Variants in PLEKHG4 observed in about 807,000 individuals in gnomAD.
PLEKHG4 encodes the protein puratrophin-1.
A neutral mutation model predicts 136.9 loss-of-function variants in PLEKHG4; 85 were observed. That is an observed-to-expected ratio of 0.62 (90% CI 0.52 to 0.74). The LOEUF is 0.74. PLEKHG4 is among the 30% of genes least tolerant of loss of function. The pLI is 0.00. For missense variants in PLEKHG4, 1,317 were observed against 1,527.8 expected (o/e 0.86, Z 2.30); for synonymous variants, 577 against 646.9 (o/e 0.89, Z 1.64).
Position 67,281,554 on chromosome 16 carries a change from AG to A in PLEKHG4, c.814-11del, listed in dbSNP as rs1433089166. The A allele has an allele frequency of 6.2e-7, 1 of 1,610,906 alleles. No homozygotes were observed. Among genetic ancestry groups the A allele is most frequent in the South Asian group, 1.1e-5 (1 of 90,930 alleles). ...TAGAGTTGGGGATAGTGCTGAGCTC[AG>A]GTTCCTTGCAGGAAGCAGCCCCAGG... On this transcript the variant is annotated splice_polypyrimidine_tract_variant and intron_variant, in intron 5 of 21. Coordinates refer to ENST00000379344, the MANE Select transcript of PLEKHG4 (RefSeq NM_001129729.3).
chr16:67,285,687 A>T (rs1021250681), intron 14 of PLEKHG4, 151 bp downstream of exon 14: 6 of 848,192 alleles, frequency 7.1e-6, no homozygotes, highest in Non-Finnish European at 9.7e-6. Context: ...TTAGTCCAGT[A>T]GAGGAGACAT....
Position 67,280,960 on chromosome 16 carries a change from G to A in PLEKHG4, c.674G>A (p.Ser225Asn), listed in dbSNP as rs190827633. The change falls in exon 4 of 22, where the codon AGC becomes AAC. Residue 225 changes from serine (S) to asparagine (N), a missense_variant. Physicochemically the swap from Ser to Asn is conservative, Grantham distance 46. Coordinates refer to ENST00000379344, the MANE Select transcript of PLEKHG4 (RefSeq NM_001129729.3). The surrounding 1 kb of genome is among the most constrained non-coding windows in gnomAD (Gnocchi z 4.4). ...SPAWLQSECS[S>N]QELIRLLLYL... ...GCCTGGCTTCAGTCTGAGTGCAGCA[G>A]CCAGGAACTCATCCGCCTCCTGCTG... 1.9e-5 allele frequency: 31 copies of A among 1,613,632 alleles called. No individual in the cohort carries two copies. In the East Asian group the frequency reaches 6.0e-4, roughly 31 times the overall value.
chr16:67,286,262 A>T lies in PLEKHG4; in HGVS notation c.2443-12A>T, dbSNP rs760953204. On this transcript the variant is annotated splice_polypyrimidine_tract_variant and intron_variant, in intron 14 of 21. Transcript: ENST00000379344. ...CCCCTTTGCACTGGGGCTGAGCCAC[A>T]TGTCCTTGTAGAGGGTGCAGTTTGG... 4.4e-6 allele frequency: 7 copies of T among 1,603,422 alleles called. No individual in the cohort carries two copies. Among genetic ancestry groups the T allele is most frequent in the Non-Finnish European group, 6.0e-6 (7 of 1,170,448 alleles).
At position 67,289,394 on chromosome 16, in the gene PLEKHG4, C is replaced by T. The variant is rs2142495626; in HGVS notation, c.*586C>T. On this transcript the variant is annotated 3_prime_UTR_variant, in exon 22 of 22. Coordinates refer to ENST00000379344, the MANE Select transcript of PLEKHG4 (RefSeq NM_001129729.3). ...TAAAATTATCTTACTGGTTGTTAGGCCTTTGGTGTCTCAGAGAAGGAGTCT... is the reference window on the plus strand; with the variant it reads ...TAAAATTATCTTACTGGTTGTTAGGTCTTTGGTGTCTCAGAGAAGGAGTCT... The T allele has an allele frequency of 2.0e-6, 1 of 510,730 alleles. No individual in the cohort carries two copies. The highest frequency in any genetic ancestry group is 3.1e-5 in the East Asian group (1 of 32,376). The allele number at this position is 510,730 out of a possible 1,614,324, so 31.6% of individuals were successfully genotyped here. A position where few individuals can be genotyped will look rare whatever the true frequency, so the allele number is the denominator to read the frequency against.
At position 67,289,271 on chromosome 16, in the gene PLEKHG4, T is replaced by G. The variant is rs2036633417; in HGVS notation, c.*463T>G. The stretch of plus-strand genomic sequence containing the variant: ...CAGGTCCACCTCTACTGGGCCCTCA[T>G]GCTTGCCTTTCCTGGCCCCCAGGCC... On this transcript the variant is annotated 3_prime_UTR_variant, in exon 22 of 22. Transcript: ENST00000379344. 1 of 413,212 alleles carries G rather than the reference T, an allele frequency of 2.4e-6. No individual in the cohort carries two copies. The highest frequency in any genetic ancestry group is 3.2e-5 in the South Asian group (1 of 31,130). 25.6% of individuals were successfully genotyped at this position (413,212 alleles called of 1,614,324 possible).
Position 67,284,445 on chromosome 16 carries a change from G to C in PLEKHG4, c.1680G>C (p.Gln560His), listed in dbSNP as rs61744543. The change falls in exon 12 of 22, where the codon CAG (glutamine) becomes CAC (histidine). Residue 560 changes from glutamine to histidine, a missense_variant. Transcript: ENST00000379344. The surrounding 1 kb of genome is among the most constrained non-coding windows in gnomAD (Gnocchi z 4.4). The stretch of plus-strand genomic sequence containing the variant: ...TGGCGGATGCTGAGAGGCTGTTTCA[G>C]CTCTTCAGGGAGGTGGGTGAGAGTC... ...QRLADAERLF[Q>H]LFREALTWAE... The C allele has an allele frequency of 7.7e-5, 124 of 1,613,910 alleles. No individual in the cohort carries two copies. The highest frequency in any genetic ancestry group is 1.7e-4 in the Middle Eastern group (1 of 5,996).
At position 67,287,099 on chromosome 16, in the gene PLEKHG4, G is replaced by A. The variant is rs777469944; in HGVS notation, c.3025G>A (p.Ala1009Thr). 2.5e-6 allele frequency: 4 copies of A among 1,612,694 alleles called. No homozygotes were observed. In the Admixed American group the frequency reaches 5.0e-5, roughly 20 times the overall value. ...GGCCAGGGACACCTTTGTGCTGCAG[G>A]CCTCCAGCCTGGCTATCAAGCAGGC... is the stretch of plus-strand genomic sequence containing the variant. ...RKARDTFVLQASSLAIKQAWT... is the reference protein window; with the variant it reads ...RKARDTFVLQTSSLAIKQAWT... Residue 1009 changes from alanine to threonine, a missense_variant, in exon 18 of 22, where the codon GCC becomes ACC. Coordinates refer to ENST00000379344, the MANE Select transcript of PLEKHG4 (RefSeq NM_001129729.3).
At position 67,285,223 on chromosome 16, in the gene PLEKHG4, C is replaced by T. The variant is rs777793785; in HGVS notation, c.2195+8C>T. ...CCCCAGGAGCCTCAACAGGTATGGG[C>T]AGTAGGCAGGGCGGGGAGGGCAGTA... On this transcript the variant is annotated splice_region_variant and intron_variant, in intron 13 of 21. Coordinates refer to ENST00000379344, the MANE Select transcript of PLEKHG4 (RefSeq NM_001129729.3). 2 of 1,613,710 alleles carry T rather than the reference C, an allele frequency of 1.2e-6. No individual in the cohort carries two copies. Among genetic ancestry groups the T allele is most frequent in the East Asian group, 4.5e-5 (2 of 44,884 alleles).
Position 67,281,091 on chromosome 16 carries a change from G to A in PLEKHG4, c.720G>A (p.Arg240=). Residue 240 remains arginine, a splice_region_variant and synonymous_variant, in exon 5 of 22, where the codon AGG becomes AGA. Coordinates refer to ENST00000379344, the MANE Select transcript of PLEKHG4 (RefSeq NM_001129729.3). Reference sequence around the variant, plus strand: ...ACTGAACTGAAGCTCACCCCTTTAGGCCCGAAGTACAGGCACTGGGACTGA... The same window carrying A: ...ACTGAACTGAAGCTCACCCCTTTAGACCCGAAGTACAGGCACTGGGACTGA... ...RLLLYLRSIP[R]PEVQALGLTV... 1 of 1,614,082 alleles carries A rather than the reference G, an allele frequency of 6.2e-7. No homozygotes were observed. The highest frequency in any genetic ancestry group is 8.5e-7 in the Non-Finnish European group (1 of 1,179,984).
At position 67,284,641 on chromosome 16, in the gene PLEKHG4, G is replaced by A. The variant is rs2036379784; in HGVS notation, c.1693-72G>A. ...CAGCATCCTGTGGGGATGGGGAGTG[G>A]GTAGAGGAGCAGAGTGCCCAGCAGG... On this transcript the variant is annotated intron_variant, in intron 12 of 21. Coordinates refer to ENST00000379344, the MANE Select transcript of PLEKHG4 (RefSeq NM_001129729.3). This position sits in a 1 kb window ranked among gnomAD's most constrained non-coding sequence, Gnocchi z 4.4. The A allele has an allele frequency of 6.4e-7, 1 of 1,571,802 alleles. No individual in the cohort carries two copies. Among genetic ancestry groups the A allele is most frequent in the African/African-American group, 1.3e-5 (1 of 74,078 alleles).
At position 67,288,599 on chromosome 16, in the gene PLEKHG4, C is replaced by T; in HGVS notation, c.3565C>T (p.Pro1189Ser). ...QALGRGLEDL[P>S]CV Reference sequence around the variant, plus strand: ...CCTGGGTAGGGGCCTGGAGGACTTACCCTGTGTGAGTGCCATTTGCCCTAT... The same window carrying T: ...CCTGGGTAGGGGCCTGGAGGACTTATCCTGTGTGAGTGCCATTTGCCCTAT... Residue 1189 changes from proline to serine, a missense_variant, in exon 21 of 22, where the codon CCC (proline) becomes TCC (serine). Coordinates refer to ENST00000379344, the MANE Select transcript of PLEKHG4 (RefSeq NM_001129729.3). The T allele has an allele frequency of 1.2e-6, 2 of 1,614,142 alleles. No individual in the cohort carries two copies. Among genetic ancestry groups the T allele is most frequent in the Non-Finnish European group, 8.5e-7 (1 of 1,179,982 alleles).
At position 67,285,511 on chromosome 16, in the gene PLEKHG4, G is replaced by C. The variant is rs373296947; in HGVS notation, c.2417G>C (p.Arg806Pro). 1.2e-6 allele frequency: 2 copies of C among 1,610,982 alleles called. No individual in the cohort carries two copies. ...GAGGCTTGCACCCGGCACCCACCAC[G>C]AGTGGCCTATGCCTTCCTGCGCCAT... ...ELEACTRHPP[R>P]VAYAFLRHRV... is the part of the protein sequence containing the mutation. Residue 806 changes from arginine to proline, a missense_variant, in exon 14 of 22, where the codon CGA becomes CCA. By Grantham distance (103) the Arg-to-Pro change is moderately radical. Coordinates refer to ENST00000379344, the MANE Select transcript of PLEKHG4 (RefSeq NM_001129729.3).
rs1393834052 is a variant in PLEKHG4, at chr16:67,288,395, CTT to C, written c.3451_3452del (p.Leu1151AspfsTer3). On this transcript the variant is annotated frameshift_variant, in exon 20 of 22. Coordinates refer to ENST00000379344, the MANE Select transcript of PLEKHG4 (RefSeq NM_001129729.3). LOFTEE classifies it high-confidence loss of function. Reference sequence around the variant, plus strand: ...GAGGCAGAGCTGGGCGGCCAGCCCTCTTTGAGTATGTCTGGGCCTAGCCAGAG... The same window carrying C: ...GAGGCAGAGCTGGGCGGCCAGCCCTCTGAGTATGTCTGGGCCTAGCCAGAG... The C allele has an allele frequency of 6.2e-7, 1 of 1,612,256 alleles. No individual in the cohort carries two copies. The highest frequency in any genetic ancestry group is 2.2e-5 in the East Asian group (1 of 44,878).
At chr16:67,287,214 C>G (rs757943815) in intron 18 of PLEKHG4, 37 bp downstream of exon 18, 5 of 1,591,386 alleles carry the variant, frequency 3.1e-6, no homozygotes, top group Non-Finnish European at 4.3e-6. Context: ...ACACTCCCCT[C>G]ACTGGAGAGC....
At position 67,284,696 on chromosome 16, in the gene PLEKHG4, C is replaced by T. The variant is rs200589768; in HGVS notation, c.1693-17C>T. ...GCAGGATCTTCCTCTAATGCTTGTC[C>T]GGCCCTGGTGTTGCAGGCCTTGACG... On this transcript the variant is annotated splice_polypyrimidine_tract_variant and intron_variant, in intron 12 of 21. Coordinates refer to ENST00000379344, the MANE Select transcript of PLEKHG4 (RefSeq NM_001129729.3). This position sits in a 1 kb window ranked among gnomAD's most constrained non-coding sequence, Gnocchi z 4.4. 3.9e-4 allele frequency: 624 copies of T among 1,612,544 alleles called. 6 individuals carry two copies. The highest frequency in any genetic ancestry group is 1.3e-4 in the Non-Finnish European group (148 of 1,179,650).
chr16:67,282,884 A>G, intron 11 of PLEKHG4, 26 bp downstream of exon 11: 1 of 1,514,804 alleles, frequency 6.6e-7, no homozygotes, highest in South Asian at 1.1e-5. Flanking sequence ...TGTTCATGCC[A>G]CGGGTATTGG....
chr16:67,282,435 G>GC (rs1198669862), intron 9 of PLEKHG4, 68 bp from the exon 10 acceptor site: 1 of 1,613,016 alleles, frequency 6.2e-7, no homozygotes, highest in East Asian at 2.2e-5. Context: ...AACCTGGTAG[G>GC]ACTGTGGTGC....
chr16:67,289,047 TC>T lies in PLEKHG4; in HGVS notation c.*243del. 1 of 620,042 alleles carries T rather than the reference TC, an allele frequency of 1.6e-6. No individual in the cohort carries two copies. The allele number at this position is 620,042 out of a possible 1,614,324, so 38.4% of individuals were successfully genotyped here. A position where few individuals can be genotyped will look rare whatever the true frequency, so the allele number is the denominator to read the frequency against. Reference sequence around the variant, plus strand: ...CCTGGCCCCATGACCCCTTCTCCTGTCCCCAGCTCCCATCCCAGTTGTGGGT... The same window carrying T: ...CCTGGCCCCATGACCCCTTCTCCTGTCCCAGCTCCCATCCCAGTTGTGGGT... On this transcript the variant is annotated 3_prime_UTR_variant, in exon 22 of 22. Coordinates refer to ENST00000379344, the MANE Select transcript of PLEKHG4 (RefSeq NM_001129729.3).
chr16:67,286,402 G>T, intron 15 of PLEKHG4, 39 bp downstream of exon 15: 1 of 1,606,680 alleles, frequency 6.2e-7, no homozygotes, highest in East Asian at 2.2e-5. Context: ...GGGGATGCGG[G>T]GAGTGCCCCC....
Sources: gnomAD v4.1 joint callset for allele counts on GRCh38, gnomAD v4.1.1 for gene constraint, Gnocchi (gnomAD v3.1) non-coding constraint, MANE v1.5 for transcripts, NCBI Gene and HGNC (gene_info 2026-07-23, HGNC 2026-07-21) for gene names.